The following SH3GLB1 variants were observed in gnomAD, a reference collection of about 807,000 sequenced individuals.
SH3GLB1 encodes SH3 domain containing GRB2 like, endophilin B1.
SH3GLB1 carries 17 observed loss-of-function variants against 42.0 expected under a neutral mutation model. That is an observed-to-expected ratio of 0.40 (90% CI 0.28 to 0.61). The LOEUF is 0.61. SH3GLB1 is among the 20% of genes least tolerant of loss of function. The pLI is 0.36. For missense variants in SH3GLB1, 355 were observed against 426.3 expected, an observed-to-expected ratio of 0.83 and a Z score of 1.47; for synonymous variants, 132 against 146.6, an observed-to-expected ratio of 0.90 and a Z score of 0.72.
chr1:86,737,175 T>C (rs1416542406), intron 7 of SH3GLB1, among the ~76,000 whole-genome samples: 1 of 152,222 alleles, frequency 6.6e-6, no homozygotes, highest in African/African-American at 2.4e-5. Context: ...TAGCAATTTT[T>C]TTAATAATTG....
intron 2 of SH3GLB1, among the ~76,000 whole-genome samples, chr1:86,717,409 T>TTTTTGTTTTG (rs765459476): frequency 0.018 from 2,729 of 152,006 alleles, 44 homozygotes; most frequent in African/African-American, 0.028. Flanking sequence ...TGCTGTGGTT[T>TTTTTGTTTTG]TTTTGTTTTG....
chr1:86,741,806 A>G (rs1313921133), intron 7 of SH3GLB1, among the ~76,000 whole-genome samples: 1 of 152,192 alleles, frequency 6.6e-6, no homozygotes, highest in Non-Finnish European at 1.5e-5. Context: ...TATTTCTCAA[A>G]GAATTAAATT....
Position 86,738,500 on chromosome 1 carries a change from T to C in SH3GLB1, c.761+3321T>C, listed in dbSNP as rs1233969913. Among the ~76,000 whole-genome samples, 6 of 151,724 alleles carry C rather than the reference T, an allele frequency of 4.0e-5. No homozygotes were observed. The South Asian group carries it at 1.3e-3, about 32-fold the overall frequency. ...CAGGATGGTCTCGATCTCCTGACCTTGTGATCTGCCCGCCTCGGCCTCCCA... is the reference window on the plus strand; with the variant it reads ...CAGGATGGTCTCGATCTCCTGACCTCGTGATCTGCCCGCCTCGGCCTCCCA... On this transcript the variant is annotated intron_variant, in intron 7 of 8. Coordinates refer to ENST00000370558, the MANE Select transcript of SH3GLB1 (RefSeq NM_016009.5).
At chr1:86,721,996 A>G (rs2101942694) in intron 3 of SH3GLB1, among the ~76,000 whole-genome samples, 1 of 150,182 alleles carries the variant, frequency 6.7e-6, no homozygotes, top group Middle Eastern at 3.5e-3. Flanking sequence ...CATGTTCAGT[A>G]CAGAGGCAAC....
At chr1:86,734,855 A>G (rs1655701512) in intron 6 of SH3GLB1, among the ~76,000 whole-genome samples, 164 bp downstream of exon 6, 1 of 152,158 alleles carries the variant, frequency 6.6e-6, no homozygotes, top group South Asian at 2.1e-4. Context: ...TTTACATCTT[A>G]TCACCGAGTT....
chr1:86,708,876 TCTA>T (rs1654028160), intron 1 of SH3GLB1, among the ~76,000 whole-genome samples: 3 of 152,312 alleles, frequency 2.0e-5, no homozygotes, highest in Admixed American at 6.5e-5. Flanking sequence ...CAAAATATCT[TCTA>T]CTTATTTTAG....
At chr1:86,741,781 G>T (rs1340017721) in intron 7 of SH3GLB1, among the ~76,000 whole-genome samples, 1 of 152,062 alleles carries the variant, frequency 6.6e-6, no homozygotes, top group East Asian at 1.9e-4. Context: ...TGAAAAAAAG[G>T]TTTAGTTATT....
intron 1 of SH3GLB1, 55 bp from the exon 2 acceptor site, chr1:86,715,669 G>A (rs1480296934): frequency 4.6e-6 from 7 of 1,521,210 alleles, no homozygotes; most frequent in African/African-American, 1.4e-5. Context: ...TATTGATATG[G>A]TTCCCTAAAA....
rs555650312 is a variant in SH3GLB1, at chr1:86,729,352, A to G, written c.570+4947A>G. ...AATAGGAAAGATTATTGTACAGAATATATAAAATGCATTTTTGTTTTTGTT... is the reference window on the plus strand; with the variant it reads ...AATAGGAAAGATTATTGTACAGAATGTATAAAATGCATTTTTGTTTTTGTT... On this transcript the variant is annotated intron_variant, in intron 5 of 8. Coordinates refer to ENST00000370558, the MANE Select transcript of SH3GLB1 (RefSeq NM_016009.5). 2.7e-4 allele frequency among the ~76,000 whole-genome samples: 41 copies of G among 152,140 alleles called. No individual in the cohort carries two copies. The South Asian group carries it at 2.9e-3, about 11-fold the overall frequency.
intron 3 of SH3GLB1, among the ~76,000 whole-genome samples, chr1:86,719,940 G>A (rs1336089659): frequency 7.1e-6 from 1 of 141,704 alleles, no homozygotes; most frequent in Non-Finnish European, 1.5e-5. Flanking sequence ...AGCTTGCAGT[G>A]AGCCAAGATC....
intron 5 of SH3GLB1, chr1:86,728,619 A>T (rs1655331717): frequency 3.8e-6 from 2 of 522,186 alleles, no homozygotes; most frequent in Non-Finnish European, 6.7e-6. Context: ...ATAAGGAAAA[A>T]ATACTAGCTG....
At chr1:86,724,929 ATG>A (rs1363312425) in intron 5 of SH3GLB1, among the ~76,000 whole-genome samples, 2 of 139,544 alleles carry the variant, frequency 1.4e-5, no homozygotes, top group African/African-American at 5.5e-5. Context: ...TATAATATAT[ATG>A]TGTGTGTATA....
intron 5 of SH3GLB1, among the ~76,000 whole-genome samples, chr1:86,728,920 A>T (rs954581054): frequency 6.6e-6 from 1 of 152,096 alleles, no homozygotes; most frequent in Non-Finnish European, 1.5e-5. Flanking sequence ...TTTTTCTGCC[A>T]TTTCAGGCCA....
intron 1 of SH3GLB1, among the ~76,000 whole-genome samples, chr1:86,711,981 A>C (rs1304344737): frequency 1.3e-5 from 2 of 152,128 alleles, no homozygotes; most frequent in Non-Finnish European, 2.9e-5. Context: ...ACAGTGCTTT[A>C]GAGAAAATGT....
At chr1:86,718,663 A>G (rs1654691953) in intron 2 of SH3GLB1, among the ~76,000 whole-genome samples, 1 of 152,196 alleles carries the variant, frequency 6.6e-6, no homozygotes, top group South Asian at 2.1e-4. Context: ...GCTTCAATTT[A>G]TGCTTAATCG....
Position 86,743,196 on chromosome 1 carries a change from G to C in SH3GLB1, c.1059G>C (p.Lys353Asn), listed in dbSNP as rs369315549. ...DWLMGERGNQ[K>N]GKVPITYLEL... Reference sequence around the variant, plus strand: ...TAATGGGGGAAAGGGGAAACCAGAAGGGCAAGGTGCCAATTACCTACTTAG... The same window carrying C: ...TAATGGGGGAAAGGGGAAACCAGAACGGCAAGGTGCCAATTACCTACTTAG... Residue 353 changes from lysine (K) to asparagine (N), a missense_variant, in exon 9 of 9, where the codon AAG becomes AAC. Physicochemically the swap from Lys to Asn is moderately conservative, Grantham distance 94. Transcript: ENST00000370558. The C allele has an allele frequency of 1.2e-6, 2 of 1,613,266 alleles. No individual in the cohort carries two copies. Among genetic ancestry groups the C allele is most frequent in the African/African-American group, 2.7e-5 (2 of 74,822 alleles).
At position 86,732,430 on chromosome 1, in the gene SH3GLB1, G is replaced by T. The variant is rs140666118; in HGVS notation, c.571-2172G>T. 3.3e-5 allele frequency among the ~76,000 whole-genome samples: 5 copies of T among 152,268 alleles called. No homozygotes were observed. The East Asian group carries it at 9.7e-4, about 29-fold the overall frequency. Reference sequence around the variant, plus strand: ...TTTCTAATGTGGATCATTTTCTTCCGAAGTAAATTGATTATGCTAAGCCTA... The same window carrying T: ...TTTCTAATGTGGATCATTTTCTTCCTAAGTAAATTGATTATGCTAAGCCTA... On this transcript the variant is annotated intron_variant, in intron 5 of 8. Coordinates refer to ENST00000370558, the MANE Select transcript of SH3GLB1 (RefSeq NM_016009.5).
chr1:86,718,747 A>G lies in SH3GLB1; in HGVS notation c.215-760A>G, dbSNP rs540529098. 1.6e-4 allele frequency among the ~76,000 whole-genome samples: 24 copies of G among 152,330 alleles called. No individual in the cohort carries two copies. In the East Asian group the frequency reaches 2.3e-3, roughly 15 times the overall value. ...TAGGTTGGACAGCATTGTAAATGTT[A>G]ATATCTTTGGTCTTAAGCATTTTGC... On this transcript the variant is annotated intron_variant, in intron 2 of 8. Coordinates refer to ENST00000370558, the MANE Select transcript of SH3GLB1 (RefSeq NM_016009.5).
chr1:86,737,908 G>T (rs1655854741), intron 7 of SH3GLB1, among the ~76,000 whole-genome samples: 1 of 152,168 alleles, frequency 6.6e-6, no homozygotes, highest in Non-Finnish European at 1.5e-5. Flanking sequence ...GACATAGCTG[G>T]TATGGTCAAG....
Sources: gnomAD v4.1 joint callset for allele counts (sites outside exome capture counted in the v4.1 genomes callset) on GRCh38, gnomAD v4.1.1 for gene constraint, MANE v1.5 for transcripts, NCBI Gene and HGNC (gene_info 2026-07-23, HGNC 2026-07-21) for gene names.